Variants in TENM3 observed in about 807,000 individuals in gnomAD.
TENM3 encodes the protein teneurin transmembrane protein 3, also known as teneurin-3.
A neutral mutation model predicts 255.1 loss-of-function variants in TENM3; 63 were observed. The observed-to-expected ratio is 0.25, with a 90% confidence interval of 0.20 to 0.30. The LOEUF (loss-of-function observed/expected upper bound fraction) is 0.30, where lower values mean the gene tolerates loss of function less well. Ranked by LOEUF, TENM3 falls within the 10% of genes least tolerant of loss-of-function variation. The pLI is 1.00. For synonymous variants in TENM3, 1,306 were observed against 1,322.3 expected (o/e 0.99, Z 0.27); for missense variants, 2,929 against 3,461.1 (o/e 0.85, Z 3.86).
chr4:182,118,624 A>G, the TENM3 span, among the ~76,000 whole-genome samples: 65 of 152,052 alleles, frequency 4.3e-4, no homozygotes, highest in African/African-American at 1.5e-3. Flanking sequence ...AAGAATTGAG[A>G]ACATATCTCA....
At chr4:182,388,659 T>C (rs1768183378) in intron 3 of TENM3, among the ~76,000 whole-genome samples, 1 of 152,240 alleles carries the variant, frequency 6.6e-6, no homozygotes, top group Non-Finnish European at 1.5e-5. Flanking sequence ...ATGTAATTCT[T>C]TTTCTAGAAC....
In TENM3 at chr4:182,387,566, A is replaced by G. The variant is rs114323483; in HGVS notation, c.511+40637A>G. On this transcript the variant is annotated intron_variant, in intron 3 of 27. Transcript: ENST00000511685. ...TCCACACTAAATTTTGCTACTGCTC[A>G]TTGTTTGGGTCCACGCTGCTTTTAT... 4.0e-3 allele frequency among the ~76,000 whole-genome samples: 603 copies of G among 152,186 alleles called. 5 individuals are homozygous for G. The highest frequency in any genetic ancestry group is 0.014 in the African/African-American group (585 of 41,536).
At chr4:182,644,923 T>A (rs1011538303) in intron 5 of TENM3, among the ~76,000 whole-genome samples, 1 of 152,008 alleles carries the variant, frequency 6.6e-6, no homozygotes, top group Admixed American at 6.6e-5. Flanking sequence ...TGAGTTGATA[T>A]TACTATAATT....
chr4:181,703,892 G>T, the TENM3 span, among the ~76,000 whole-genome samples: 8 of 151,866 alleles, frequency 5.3e-5, no homozygotes, highest in Non-Finnish European at 7.4e-5. Context: ...CTTGAAAAAT[G>T]ACCCAATGGT....
chr4:182,607,421 T>G (rs567976335), intron 4 of TENM3, among the ~76,000 whole-genome samples: 22 of 152,322 alleles, frequency 1.4e-4, no homozygotes, highest in Non-Finnish European at 2.8e-4. Flanking sequence ...ACGCCCAGAC[T>G]GTTAATTTTG....
At chr4:182,110,481 C>T in the TENM3 span, among the ~76,000 whole-genome samples, 1 of 151,976 alleles carries the variant, frequency 6.6e-6, no homozygotes, top group Non-Finnish European at 1.5e-5. Flanking sequence ...TGCACCAGCT[C>T]ACCCAGCTAA....
the TENM3 span, among the ~76,000 whole-genome samples, chr4:181,699,851 T>C: frequency 6.6e-6 from 1 of 152,230 alleles, no homozygotes; most frequent in Non-Finnish European, 1.5e-5. Flanking sequence ...GCCTAACTAA[T>C]AGACACTTAA....
intron 22 of TENM3, among the ~76,000 whole-genome samples, chr4:182,755,781 A>T (rs1317490095): frequency 6.6e-6 from 1 of 152,106 alleles, no homozygotes; most frequent in Non-Finnish European, 1.5e-5. Context: ...CGCAGCTTGC[A>T]GTGAGCCGAG....
the TENM3 span, among the ~76,000 whole-genome samples, chr4:182,042,304 A>G: frequency 6.6e-6 from 1 of 152,180 alleles, no homozygotes; most frequent in South Asian, 2.1e-4. Flanking sequence ...AAAGCCTTTG[A>G]ACCTTGTGAA....
At chr4:182,154,908 T>C (rs1750598088) in intron 1 of TENM3, among the ~76,000 whole-genome samples, 1 of 152,234 alleles carries the variant, frequency 6.6e-6, no homozygotes, top group Non-Finnish European at 1.5e-5. Context: ...TATGTGAGTA[T>C]ATTCCCAACT....
chr4:181,871,055 T>C, the TENM3 span, among the ~76,000 whole-genome samples: 1 of 152,114 alleles, frequency 6.6e-6, no homozygotes, highest in Non-Finnish European at 1.5e-5. Context: ...TTTTGAATTT[T>C]AGTGAACGTT....
the TENM3 span, among the ~76,000 whole-genome samples, chr4:181,735,125 A>T: frequency 6.6e-6 from 1 of 152,062 alleles, no homozygotes; most frequent in African/African-American, 2.4e-5. Context: ...GATTTATTCT[A>T]CTATTTTTCA....
chr4:181,449,378 T>A, the TENM3 span, among the ~76,000 whole-genome samples: 1 of 152,220 alleles, frequency 6.6e-6, no homozygotes, highest in Admixed American at 6.5e-5. Flanking sequence ...AATTTGGAGT[T>A]ACTACTTGGG....
At chr4:182,241,518 CTT>C (rs982739950), upstream of TENM3, among the ~76,000 whole-genome samples, 14 of 114,244 alleles carry the variant, frequency 1.2e-4, no homozygotes, top group African/African-American at 2.3e-4. Context: ...TTTTTTCTTT[CTT>C]TTTTTTTTTT....
chr4:182,292,597 C>A (rs1047295568), intron 1 of TENM3, among the ~76,000 whole-genome samples: 1 of 152,234 alleles, frequency 6.6e-6, no homozygotes, highest in South Asian at 2.1e-4. Context: ...GATCACAGAT[C>A]CGCATGGTCG....
At chr4:182,109,488 T>C in the TENM3 span, among the ~76,000 whole-genome samples, 1 of 152,078 alleles carries the variant, frequency 6.6e-6, no homozygotes, top group Non-Finnish European at 1.5e-5. Flanking sequence ...CCTAACCTCA[T>C]ATACTATGAA....
At chr4:182,779,189 C>G (rs1216220053) in intron 24 of TENM3, among the ~76,000 whole-genome samples, 1 of 151,652 alleles carries the variant, frequency 6.6e-6, no homozygotes, top group African/African-American at 2.4e-5. Flanking sequence ...GTGTATCTCC[C>G]AATGCTATCC....
At chr4:182,690,323 T>C (rs1756918269) in intron 12 of TENM3, among the ~76,000 whole-genome samples, 2 of 152,350 alleles carry the variant, frequency 1.3e-5, no homozygotes, top group African/African-American at 4.8e-5. Flanking sequence ...CAGCAGGTTG[T>C]TCATGTGAAC....
chr4:181,673,378 C>A, the TENM3 span, among the ~76,000 whole-genome samples: 1 of 151,978 alleles, frequency 6.6e-6, no homozygotes, highest in Non-Finnish European at 1.5e-5. Flanking sequence ...ATAAATCCTG[C>A]CTTTGATTAA....
Sources: allele counts gnomAD v4.1 joint callset (sites outside exome capture counted in the v4.1 genomes callset), GRCh38; gene constraint gnomAD v4.1.1; transcripts MANE v1.5; gene names NCBI Gene and HGNC (gene_info 2026-07-23, HGNC 2026-07-21).